The following TRPM6 variants were observed in gnomAD, a reference collection of about 807,000 sequenced individuals.
TRPM6 encodes the protein transient receptor potential cation channel subfamily M member 6, also known as channel kinase 2.
A neutral mutation model predicts 247.6 loss-of-function variants in TRPM6; 111 were observed. That is an observed-to-expected ratio of 0.45 (90% CI 0.38 to 0.52). The LOEUF (loss-of-function observed/expected upper bound fraction) is 0.52. Ranked by LOEUF, TRPM6 falls within the 20% of genes least tolerant of loss-of-function variation. The pLI is 0.00. For synonymous variants in TRPM6, 892 were observed against 853.8 expected (o/e 1.04, Z -0.78); for missense variants, 2,126 against 2,421.5 (o/e 0.88, Z 2.56).
chr9:74,747,771 T>A (rs926886702), intron 31 of TRPM6, 118 bp downstream of exon 31: 2 of 887,150 alleles, frequency 2.3e-6, no homozygotes, highest in East Asian at 2.6e-5. Context: ...CTACATTGCA[T>A]GATGGACAAA....
chr9:74,816,585 A>G, intron 11 of TRPM6, 84 bp downstream of exon 11: 1 of 1,067,434 alleles, frequency 9.4e-7, no homozygotes, highest in Non-Finnish European at 1.4e-6. Flanking sequence ...ACCAATCAAT[A>G]TCTCCTCTCA....
At chr9:74,855,453 T>A (rs987849090) in intron 3 of TRPM6, 74 bp downstream of exon 3, 9 of 1,021,288 alleles carry the variant, frequency 8.8e-6, no homozygotes, top group Admixed American at 8.4e-5. Flanking sequence ...ATTCAAGATA[T>A]GAGGAAACTG....
chr9:74,761,318 A>G (rs1415372495), intron 27 of TRPM6, among the ~76,000 whole-genome samples: 2 of 152,260 alleles, frequency 1.3e-5, no homozygotes, highest in African/African-American at 2.4e-5. Flanking sequence ...ACAAATGTTC[A>G]TAACAGCTTT....
At chr9:74,812,169 C>T in intron 12 of TRPM6, 130 bp downstream of exon 12, 1 of 1,193,822 alleles carries the variant, frequency 8.4e-7, no homozygotes. Flanking sequence ...GATCCAGCTT[C>T]AGATAATAGG....
chr9:74,829,259 T>A (rs1667510246), intron 6 of TRPM6, among the ~76,000 whole-genome samples: 1 of 152,046 alleles, frequency 6.6e-6, no homozygotes, highest in Non-Finnish European at 1.5e-5. Flanking sequence ...GCCACTGCAC[T>A]CCAGCCTGGG....
In TRPM6 at chr9:74,777,416, GA is replaced by G. The variant is rs375192527; in HGVS notation, c.3210-1341del. Among the ~76,000 whole-genome samples the G allele has an allele frequency of 4.3e-3, 655 of 152,292 alleles. 4 individuals carry two copies. Among genetic ancestry groups the G allele is most frequent in the African/African-American group, 0.015 (628 of 41,554 alleles). Reference sequence around the variant, plus strand: ...TTCAGTGTGTTCATCTCTAACGTGAGAAATTTGTCCTATGCGAGGATTTCTC... The same window carrying G: ...TTCAGTGTGTTCATCTCTAACGTGAGAATTTGTCCTATGCGAGGATTTCTC... On this transcript the variant is annotated intron_variant, in intron 23 of 38. Coordinates refer to ENST00000360774, the MANE Select transcript of TRPM6 (RefSeq NM_017662.5).
chr9:74,838,161 G>A (rs1473916633), intron 5 of TRPM6, among the ~76,000 whole-genome samples: 3 of 152,126 alleles, frequency 2.0e-5, no homozygotes, highest in East Asian at 1.9e-4. Context: ...TAGGTTAACT[G>A]GCCATAAACT....
At chr9:74,872,942 A>T (rs1831075621) in intron 1 of TRPM6, among the ~76,000 whole-genome samples, 1 of 152,216 alleles carries the variant, frequency 6.6e-6, no homozygotes, top group Non-Finnish European at 1.5e-5. Context: ...TTTTAAAATA[A>T]ATAAAGTGAA....
intron 19 of TRPM6, among the ~76,000 whole-genome samples, chr9:74,790,906 A>T (rs988682674): frequency 6.6e-6 from 1 of 152,240 alleles, no homozygotes; most frequent in African/African-American, 2.4e-5. Flanking sequence ...GGCATCACAT[A>T]AAGGCTACAA....
intron 2 of TRPM6, 139 bp from the exon 3 acceptor site, chr9:74,855,704 T>C: frequency 1.4e-6 from 1 of 694,388 alleles, no homozygotes; most frequent in East Asian, 2.7e-5. Flanking sequence ...GTTCCAAATA[T>C]TCCATTATGG....
At chr9:74,862,879 G>T (rs1830732708) in intron 1 of TRPM6, among the ~76,000 whole-genome samples, 1 of 151,808 alleles carries the variant, frequency 6.6e-6, no homozygotes, top group Admixed American at 6.6e-5. Flanking sequence ...TACTCAGGAG[G>T]CTGAGGCATG....
Position 74,800,619 on chromosome 9 carries a change from TAA to T in TRPM6, c.2010-139_2010-138del, listed in dbSNP as rs5898379. On this transcript the variant is annotated intron_variant, in intron 16 of 38. Transcript: ENST00000360774. ...AAATATCAATTCATAAGGCTTCCTT[TAA>T]AAAAAAAAAAAAAGCCAACAACACC... 81,933 of 561,884 alleles carry T rather than the reference TAA, an allele frequency of 0.15. 1,784 individuals carry two copies. The highest frequency in any genetic ancestry group is 0.19 in the East Asian group (6,386 of 32,840). 34.8% of individuals were successfully genotyped at this position (561,884 alleles called of 1,614,324 possible). A position where few individuals can be genotyped will look rare whatever the true frequency, so the allele number is the denominator to read the frequency against.
chr9:74,768,955 C>T lies in TRPM6; in HGVS notation c.3536+2748G>A, dbSNP rs1009044930. On this transcript the variant is annotated intron_variant, in intron 25 of 38. Transcript: ENST00000360774. ...GTCCACATCTCATCTGTTCATCCCCCTTTCCTTAAGGGTTGGAGGGGAATT... is the reference window on the plus strand; with the variant it reads ...GTCCACATCTCATCTGTTCATCCCCTTTTCCTTAAGGGTTGGAGGGGAATT... 3.3e-5 allele frequency among the ~76,000 whole-genome samples: 5 copies of T among 152,208 alleles called. 1 individual carries two copies. Among genetic ancestry groups the T allele is most frequent in the Admixed American group, 3.3e-4 (5 of 15,284 alleles).
intron 32 of TRPM6, among the ~76,000 whole-genome samples, chr9:74,743,754 T>C (rs936557535): frequency 1.3e-5 from 2 of 152,212 alleles, no homozygotes; most frequent in Non-Finnish European, 2.9e-5. Context: ...TACTTTCAGG[T>C]CTGCCTTTTC....
At chr9:74,852,786 C>T (rs1830378708) in intron 3 of TRPM6, among the ~76,000 whole-genome samples, 1 of 152,204 alleles carries the variant, frequency 6.6e-6, no homozygotes, top group African/African-American at 2.4e-5. Flanking sequence ...GTCTCGCTCA[C>T]TCAGTGCTCA....
At chr9:74,858,244 G>A (rs765671257) in intron 2 of TRPM6, among the ~76,000 whole-genome samples, 6 of 152,234 alleles carry the variant, frequency 3.9e-5, no homozygotes, top group East Asian at 1.9e-4. Flanking sequence ...AAAATTAGCC[G>A]GACGTGGTGG....
intron 1 of TRPM6, among the ~76,000 whole-genome samples, chr9:74,884,180 A>C (rs1831453846): frequency 6.6e-6 from 1 of 151,908 alleles, no homozygotes; most frequent in Non-Finnish European, 1.5e-5. Flanking sequence ...AAATAAATGC[A>C]CAAATCAAAA....
At chr9:74,816,584 T>C in intron 11 of TRPM6, 85 bp downstream of exon 11, 3 of 1,077,524 alleles carry the variant, frequency 2.8e-6, no homozygotes, top group Non-Finnish European at 4.2e-6. Flanking sequence ...AACCAATCAA[T>C]ATCTCCTCTC....
At position 74,796,721 on chromosome 9, in the gene TRPM6, C is replaced by T. The variant is rs1828112548; in HGVS notation, c.2391+20G>A. On this transcript the variant is annotated intron_variant, in intron 18 of 38. Transcript: ENST00000360774. ...CAGTCAATACAATGAAAATTCAGTT[C>T]ATTATGATTTTGCACTAACCACAGA... 6 of 1,613,142 alleles carry T rather than the reference C, an allele frequency of 3.7e-6. No homozygotes were observed. In the South Asian group the frequency reaches 5.5e-5, roughly 15 times the overall value.
Sources: allele counts gnomAD v4.1 joint callset (sites outside exome capture counted in the v4.1 genomes callset), GRCh38; gene constraint gnomAD v4.1.1; transcripts MANE v1.5; gene names NCBI Gene and HGNC (gene_info 2026-07-23, HGNC 2026-07-21).